The following CD109 variants were observed in gnomAD, a reference collection of about 807,000 sequenced individuals.
The protein encoded by CD109 is CD109 molecule.
In CD109, 149 loss-of-function variants were observed where a neutral mutation model predicts 165.8. That is an observed-to-expected ratio of 0.90 (90% CI 0.79 to 1.03). The LOEUF is 1.03. CD109 is among the 50% of genes least tolerant of loss of function. CD109 has a pLI of 0.00. For missense variants in CD109, 1,712 were observed against 1,677.8 expected (o/e 1.02, Z -0.36); for synonymous variants, 585 against 592.1 (o/e 0.99, Z 0.18).
At chr6:73,821,700 A>G (rs1347863344) in intron 32 of CD109, among the ~76,000 whole-genome samples, 4 of 152,190 alleles carry the variant, frequency 2.6e-5, no homozygotes, top group Non-Finnish European at 5.9e-5. Flanking sequence ...AAATGGGAAC[A>G]GTAGACACTG....
rs1387396297 is a variant in CD109, at chr6:73,780,892, G to A, written c.1903-367G>A. On this transcript the variant is annotated intron_variant, in intron 16 of 32. Coordinates refer to ENST00000287097, the MANE Select transcript of CD109 (RefSeq NM_133493.5). ...TCCTTGACTTTGAAATGGCTCTTAT[G>A]CATGAGTGTGTGTGTGTATGTGTGT... 1.5e-5 allele frequency among the ~76,000 whole-genome samples: 2 copies of A among 130,034 alleles called. 1 individual carries two copies. Among genetic ancestry groups the A allele is most frequent in the Non-Finnish European group, 3.3e-5 (2 of 61,534 alleles). The allele number at this position is 130,034 out of a possible 152,430, so 85.3% of individuals were successfully genotyped here. A position where few individuals can be genotyped will look rare whatever the true frequency, so the allele number is the denominator to read the frequency against.
intron 28 of CD109, 62 bp from the exon 29 acceptor site, chr6:73,812,143 C>A: frequency 9.3e-7 from 1 of 1,072,010 alleles, no homozygotes; most frequent in Non-Finnish European, 1.4e-6. Context: ...ATCTGTTTTG[C>A]TACTTGGAAG....
chr6:73,799,273 T>C (rs1464462900), intron 23 of CD109, among the ~76,000 whole-genome samples: 1 of 152,238 alleles, frequency 6.6e-6, no homozygotes, highest in Non-Finnish European at 1.5e-5. Context: ...CTTTTGTTTA[T>C]GTTTTGAACA....
At chr6:73,762,622 C>T in intron 8 of CD109, 119 bp from the exon 9 acceptor site, 1 of 977,440 alleles carries the variant, frequency 1.0e-6, no homozygotes, top group Non-Finnish European at 1.5e-6. Context: ...AGAATTTATG[C>T]AATTATAGCG....
chr6:73,759,159 A>C, intron 7 of CD109, 131 bp downstream of exon 7: 1 of 623,000 alleles, frequency 1.6e-6, no homozygotes, highest in East Asian at 2.8e-5. Context: ...GTAAATGACT[A>C]TTTATAATAA....
chr6:73,686,285 A>G, the CD109 span, among the ~76,000 whole-genome samples: 1 of 152,340 alleles, frequency 6.6e-6, no homozygotes, highest in South Asian at 2.1e-4. Context: ...GGAAACTCCT[A>G]TTCCAGCATC....
At chr6:73,765,877 T>G in intron 10 of CD109, 53 bp from the exon 11 acceptor site, 1 of 1,274,438 alleles carries the variant, frequency 7.8e-7, no homozygotes, top group Non-Finnish European at 1.1e-6. Flanking sequence ...GAAACTGTAT[T>G]TAATCGTACT....
chr6:73,708,876 C>G (rs936159089), intron 2 of CD109, among the ~76,000 whole-genome samples: 14 of 151,908 alleles, frequency 9.2e-5, no homozygotes, highest in Non-Finnish European at 1.9e-4. Context: ...ATTTGTTTGA[C>G]TTCTTTGTAG....
At chr6:73,815,768 C>A (rs563695700) in intron 30 of CD109, among the ~76,000 whole-genome samples, 2 of 152,292 alleles carry the variant, frequency 1.3e-5, no homozygotes, top group East Asian at 3.9e-4. Flanking sequence ...TGGGAAGCTG[C>A]AGATTTTTGG....
At chr6:73,708,446 C>T (rs1435268583) in intron 2 of CD109, among the ~76,000 whole-genome samples, 1 of 152,138 alleles carries the variant, frequency 6.6e-6, no homozygotes, top group Non-Finnish European at 1.5e-5. Context: ...GTGAATAATG[C>T]CTCAATAAAC....
At chr6:73,738,996 C>A (rs1316228869) in intron 5 of CD109, among the ~76,000 whole-genome samples, 1 of 152,154 alleles carries the variant, frequency 6.6e-6, no homozygotes, top group South Asian at 2.1e-4. Context: ...TAGACAGTAG[C>A]CTTTGTAAAG....
At chr6:73,807,305 T>C (rs1377486865) in intron 25 of CD109, among the ~76,000 whole-genome samples, 1 of 152,250 alleles carries the variant, frequency 6.6e-6, no homozygotes, top group Non-Finnish European at 1.5e-5. Flanking sequence ...CTTTTTAATG[T>C]ATGTATTGTA....
At chr6:73,723,388 G>C (rs548327264) in intron 3 of CD109, 109 bp downstream of exon 3, 20 of 896,044 alleles carry the variant, frequency 2.2e-5, no homozygotes, top group Non-Finnish European at 3.2e-5. Flanking sequence ...CACGTTTCAT[G>C]TAAGTTTGGC....
At chr6:73,731,435 G>T (rs1041198614) in intron 4 of CD109, among the ~76,000 whole-genome samples, 2 of 152,224 alleles carry the variant, frequency 1.3e-5, no homozygotes, top group Admixed American at 1.3e-4. Flanking sequence ...ACATGGAAAG[G>T]CCCTGAGGGG....
intron 2 of CD109, among the ~76,000 whole-genome samples, chr6:73,712,540 T>A (rs1298898483): frequency 6.6e-6 from 1 of 152,184 alleles, no homozygotes; most frequent in Non-Finnish European, 1.5e-5. Context: ...CTCCTTCCCT[T>A]CAATGATTTT....
intron 5 of CD109, among the ~76,000 whole-genome samples, chr6:73,751,306 C>T (rs996046050): frequency 3.3e-5 from 5 of 152,078 alleles, no homozygotes; most frequent in Admixed American, 6.5e-5. Context: ...TAGGAGGACC[C>T]TTAAGATTGT....
intron 25 of CD109, among the ~76,000 whole-genome samples, 157 bp from the exon 26 acceptor site, chr6:73,807,926 T>C (rs1775626975): frequency 6.6e-6 from 1 of 152,194 alleles, no homozygotes; most frequent in Admixed American, 6.5e-5. Context: ...TCTTTAAATG[T>C]CAATGATCAT....
intron 5 of CD109, among the ~76,000 whole-genome samples, chr6:73,746,543 AT>A (rs1001353020): frequency 6.6e-6 from 1 of 151,546 alleles, no homozygotes; most frequent in Non-Finnish European, 1.5e-5. Flanking sequence ...TAAATGGGTG[AT>A]TTTTGTTTAT....
chr6:73,723,716 G>A (rs1255399169), intron 3 of CD109, among the ~76,000 whole-genome samples: 1 of 152,084 alleles, frequency 6.6e-6, no homozygotes, highest in African/African-American at 2.4e-5. Context: ...ACATAGAGGG[G>A]AACAACACAC....
Sources: gnomAD v4.1 joint callset for allele counts (sites outside exome capture counted in the v4.1 genomes callset) on GRCh38, gnomAD v4.1.1 for gene constraint, MANE v1.5 for transcripts, NCBI Gene and HGNC (gene_info 2026-07-23, HGNC 2026-07-21) for gene names.